TUBB8B: variants seen among roughly 807,000 people sequenced by gnomAD.
TUBB8B encodes tubulin beta 8B, also known as HSA18p11 beta-tubulin 4Q pseudogene.
A neutral mutation model predicts 31.9 loss-of-function variants in TUBB8B; 26 were observed. That is an observed-to-expected ratio of 0.81 (90% CI 0.60 to 1.13). TUBB8B has a LOEUF of 1.13. Ranked by LOEUF, TUBB8B falls within the 50% of genes most tolerant of loss-of-function variation. The probability of loss-of-function intolerance (pLI) is 0.00; values close to 1 mark genes in which losing one functional copy is unlikely to be tolerated. For synonymous variants in TUBB8B, 173 were observed against 231.0 expected (o/e 0.75, Z 2.28); for missense variants, 467 against 586.7 (o/e 0.80, Z 2.11).
chr18:58,200 C>T, the TUBB8B span, among the ~76,000 whole-genome samples: 1 of 151,146 alleles, frequency 6.6e-6, no homozygotes, highest in Non-Finnish European at 1.5e-5. Context: ...CAAGTGATTG[C>T]TCCACAGGCT....
At chr18:68,028 C>T in the TUBB8B span, among the ~76,000 whole-genome samples, 2 of 152,308 alleles carry the variant, frequency 1.3e-5, no homozygotes, top group African/African-American at 4.8e-5. Context: ...ATTGCAGCCG[C>T]AATACTGATA....
chr18:48,291 G>C lies in TUBB8B; in HGVS notation c.434C>G (p.Ser145Cys), dbSNP rs1905817203. The C allele has an allele frequency of 6.2e-6, 10 of 1,612,364 alleles. No homozygotes were observed. In the East Asian group the frequency reaches 2.2e-4, roughly 36 times the overall value. ...ACTAATGAGAAGGGTACCCATCCCA[G>C]ACCCAGTCCCCCCACCCAGGGAGTG... ...LTHSLGGGTG[S>C]GMGTLLISKI... The change falls in exon 4 of 4, where the codon TCT becomes TGT. Residue 145 changes from serine to cysteine, a missense_variant. By Grantham distance (112) the Ser-to-Cys change is moderately radical. Coordinates refer to ENST00000308911, the MANE Select transcript of TUBB8B (RefSeq NM_001358689.2).
the TUBB8B span, among the ~76,000 whole-genome samples, chr18:62,924 C>A: frequency 1.3e-5 from 2 of 151,582 alleles, no homozygotes; most frequent in East Asian, 3.9e-4. Flanking sequence ...TTTTAAGTAA[C>A]TCTGATGCAT....
the TUBB8B span, among the ~76,000 whole-genome samples, chr18:62,420 T>TG: frequency 1.1e-4 from 14 of 131,310 alleles, no homozygotes; most frequent in East Asian, 3.1e-3. Context: ...AATAAATGTT[T>TG]AATTTTTTTT....
chr18:55,043 A>G, the TUBB8B span, among the ~76,000 whole-genome samples: 1 of 152,088 alleles, frequency 6.6e-6, no homozygotes, highest in African/African-American at 2.4e-5. Flanking sequence ...TTTGAACTCA[A>G]TATATTGTAG....
the TUBB8B span, among the ~76,000 whole-genome samples, chr18:61,848 G>T: frequency 6.6e-6 from 1 of 151,364 alleles, no homozygotes; most frequent in African/African-American, 2.4e-5. Flanking sequence ...TTGGCTTATT[G>T]TTTACTCTTT....
upstream of TUBB8B, among the ~76,000 whole-genome samples, chr18:54,541 C>A (rs1190588135): frequency 6.6e-6 from 1 of 151,846 alleles, no homozygotes; most frequent in Admixed American, 6.6e-5. Context: ...CCCCACTGCC[C>A]TTCCCAGCCT....
At chr18:64,332 G>A in the TUBB8B span, among the ~76,000 whole-genome samples, 1 of 152,090 alleles carries the variant, frequency 6.6e-6, no homozygotes, top group Non-Finnish European at 1.5e-5. Context: ...TCTGATTTGT[G>A]ACCCAAAGAA....
At chr18:55,140 C>T in the TUBB8B span, among the ~76,000 whole-genome samples, 5 of 151,794 alleles carry the variant, frequency 3.3e-5, no homozygotes, top group African/African-American at 7.3e-5. Flanking sequence ...CTTGCTCTGT[C>T]GCCCAGGCTG....
the TUBB8B span, among the ~76,000 whole-genome samples, chr18:64,250 G>C: frequency 1.3e-5 from 2 of 152,110 alleles, no homozygotes; most frequent in Non-Finnish European, 2.9e-5. Flanking sequence ...TCATACTTAT[G>C]TTTGCACTTC....
rs776269563 is a variant in TUBB8B, at chr18:48,912, C to A, written c.277+28G>T. 4.1e-6 allele frequency: 6 copies of A among 1,457,562 alleles called. No homozygotes were observed. In the Admixed American group the frequency reaches 1.0e-4, roughly 24 times the overall value. 90.3% of individuals were successfully genotyped at this position (1,457,562 alleles called of 1,614,324 possible). The stretch of plus-strand genomic sequence containing the variant: ...TTTTGAGCTGCCCTGGCTAAGGAGC[C>A]GCACCCCAGTCCTCGCCCGCAGCTC... On this transcript the variant is annotated intron_variant, in intron 3 of 3. Transcript: ENST00000308911.
the TUBB8B span, among the ~76,000 whole-genome samples, chr18:64,018 A>C: frequency 6.8e-6 from 1 of 146,788 alleles, no homozygotes; most frequent in African/African-American, 2.6e-5. Flanking sequence ...ACTGACCCCA[A>C]CCCTAACCCT....
At chr18:63,067 A>G in the TUBB8B span, among the ~76,000 whole-genome samples, 1 of 151,690 alleles carries the variant, frequency 6.6e-6, no homozygotes, top group African/African-American at 2.4e-5. Context: ...AATTACCTCA[A>G]CCAGCTATTT....
At chr18:53,450 T>C (rs1906187237), upstream of TUBB8B, among the ~76,000 whole-genome samples, 1 of 150,850 alleles carries the variant, frequency 6.6e-6, no homozygotes, top group African/African-American at 2.5e-5. Context: ...TGGAACACAA[T>C]GAGATTTTTA....
the TUBB8B span, among the ~76,000 whole-genome samples, chr18:61,354 A>AT: frequency 6.6e-6 from 1 of 151,128 alleles, no homozygotes; most frequent in South Asian, 2.1e-4. Flanking sequence ...CAGGTAGAGT[A>AT]TTTTTTTTGT....
At chr18:67,745 T>C in the TUBB8B span, among the ~76,000 whole-genome samples, 1 of 152,090 alleles carries the variant, frequency 6.6e-6, no homozygotes, top group African/African-American at 2.4e-5. Flanking sequence ...TATCACGGCA[T>C]ATCGTAATAC....
the TUBB8B span, among the ~76,000 whole-genome samples, chr18:60,110 A>G: frequency 6.6e-6 from 1 of 151,386 alleles, no homozygotes; most frequent in African/African-American, 2.4e-5. Context: ...TTCCTTCTCT[A>G]TTTTTCAGTC....
the TUBB8B span, among the ~76,000 whole-genome samples, chr18:66,096 G>A: frequency 6.6e-6 from 1 of 152,098 alleles, no homozygotes; most frequent in Non-Finnish European, 1.5e-5. Context: ...AGGTGTGATG[G>A]TGCATATCTG....
Position 49,253 on chromosome 18 carries a change from G to A in TUBB8B, c.58-16C>T, listed in dbSNP as rs1472537739. 2.6e-6 allele frequency: 4 copies of A among 1,530,426 alleles called. No homozygotes were observed. Among genetic ancestry groups the A allele is most frequent in the Non-Finnish European group, 2.6e-6 (3 of 1,141,434 alleles). The allele number at this position is 1,530,426 out of a possible 1,614,324, so 94.8% of individuals were successfully genotyped here. A position where few individuals can be genotyped will look rare whatever the true frequency, so the allele number is the denominator to read the frequency against. On this transcript the variant is annotated splice_polypyrimidine_tract_variant and intron_variant, in intron 1 of 3. Transcript: ENST00000308911. The stretch of plus-strand genomic sequence containing the variant: ...CCTCCCAGAACTGCAAGAGACGGGA[G>A]GGGCCAGACAGGCCGGGGCTGAGTC...
Sources: allele counts gnomAD v4.1 joint callset (sites outside exome capture counted in the v4.1 genomes callset), GRCh38; gene constraint gnomAD v4.1.1; transcripts MANE v1.5; gene names NCBI Gene and HGNC (gene_info 2026-07-23, HGNC 2026-07-21).